The following RAD51B variants were observed in gnomAD, a reference collection of about 807,000 sequenced individuals.
RAD51B encodes DNA repair protein RAD51 homolog 2.
Under a neutral mutation model 42.2 loss-of-function variants are expected in RAD51B, and 38 were observed. That is an observed-to-expected ratio of 0.90 (90% confidence interval 0.70 to 1.18). The LOEUF is 1.18. Ranked by LOEUF, RAD51B falls within the 50% of genes most tolerant of loss-of-function variation. The pLI is 0.00. For synonymous variants in RAD51B, 154 were observed against 145.2 expected, an observed-to-expected ratio of 1.06 and a Z score of -0.43; for missense variants, 373 against 400.7, an observed-to-expected ratio of 0.93 and a Z score of 0.59.
At chr14:68,561,840 C>T (rs1203332820) in intron 10 of RAD51B, among the ~76,000 whole-genome samples, 2 of 152,146 alleles carry the variant, frequency 1.3e-5, no homozygotes, top group Non-Finnish European at 2.9e-5. Flanking sequence ...ACTGGTGGCC[C>T]GACTTGTCTG....
chr14:68,484,390 C>CTTTT (rs1883456218), intron 10 of RAD51B, among the ~76,000 whole-genome samples: 1 of 123,326 alleles, frequency 8.1e-6, no homozygotes, highest in Non-Finnish European at 1.6e-5. Flanking sequence ...CAGAGTTTTG[C>CTTTT]TCTGTCGCCC....
chr14:68,248,295 G>A (rs561926397), intron 7 of RAD51B, among the ~76,000 whole-genome samples: 6 of 152,212 alleles, frequency 3.9e-5, no homozygotes, highest in East Asian at 3.9e-4. Flanking sequence ...GAGGGAATAG[G>A]CCTTTTAAAT....
At chr14:68,343,120 A>G (rs900526167) in intron 8 of RAD51B, among the ~76,000 whole-genome samples, 1 of 106,970 alleles carries the variant, frequency 9.3e-6, no homozygotes, top group Non-Finnish European at 2.5e-5. Context: ...CCATCGCTCC[A>G]AATACTTACC....
intron 10 of RAD51B, among the ~76,000 whole-genome samples, chr14:68,621,082 T>C (rs929243278): frequency 3.3e-5 from 5 of 152,236 alleles, no homozygotes; most frequent in Admixed American, 2.6e-4. Context: ...TAACCCCTCA[T>C]TGGATTCTCT....
intron 9 of RAD51B, 133 bp from the exon 10 acceptor site, chr14:68,468,039 T>C: frequency 9.0e-6 from 3 of 334,358 alleles, no homozygotes; most frequent in South Asian, 9.3e-5. Flanking sequence ...TATAAAATGG[T>C]TTTTTTTTTT....
intron 7 of RAD51B, among the ~76,000 whole-genome samples, chr14:67,987,369 C>A (rs1356223827): frequency 1.3e-5 from 2 of 152,146 alleles, no homozygotes; most frequent in African/African-American, 4.8e-5. Context: ...TGGTAACCAC[C>A]ATTCTACTCT....
chr14:68,580,855 T>G (rs1481910480), intron 10 of RAD51B, among the ~76,000 whole-genome samples: 4 of 152,200 alleles, frequency 2.6e-5, no homozygotes, highest in African/African-American at 7.2e-5. Flanking sequence ...TAGCCTTGTA[T>G]GTGCACAGGC....
At chr14:68,217,061 C>A (rs2079830337) in intron 7 of RAD51B, among the ~76,000 whole-genome samples, 1 of 152,222 alleles carries the variant, frequency 6.6e-6, no homozygotes, top group South Asian at 2.1e-4. Flanking sequence ...GCAAGATCTC[C>A]TGTGTTCTCA....
At chr14:68,359,034 G>A (rs1594722098) in intron 8 of RAD51B, among the ~76,000 whole-genome samples, 1 of 152,064 alleles carries the variant, frequency 6.6e-6, no homozygotes, top group East Asian at 1.9e-4. Flanking sequence ...CCCCACAGAG[G>A]AGCAGCTGCC....
intron 7 of RAD51B, among the ~76,000 whole-genome samples, chr14:68,197,266 G>A (rs557089069): frequency 2.0e-5 from 3 of 152,204 alleles, no homozygotes; most frequent in East Asian, 1.9e-4. Context: ...TCCTGTGCTT[G>A]AAACTCACAT....
At chr14:68,540,173 T>C in intron 10 of RAD51B, 1 of 897,844 alleles carries the variant, frequency 1.1e-6, no homozygotes, top group South Asian at 5.3e-5. Flanking sequence ...CTCCTTTTTT[T>C]TTTTTTTTTT....
chr14:68,607,434 C>A (rs971450765), intron 10 of RAD51B, among the ~76,000 whole-genome samples: 1 of 152,198 alleles, frequency 6.6e-6, no homozygotes, highest in Non-Finnish European at 1.5e-5. Flanking sequence ...AGAGACCCTC[C>A]CCCACAGCCC....
chr14:68,336,563 C>A (rs2139820353), intron 8 of RAD51B, among the ~76,000 whole-genome samples: 1 of 152,296 alleles, frequency 6.6e-6, no homozygotes, highest in South Asian at 2.1e-4. Flanking sequence ...GCGCTCTGAT[C>A]AATTACAAGC....
At chr14:68,320,432 C>T (rs1022811200) in intron 8 of RAD51B, among the ~76,000 whole-genome samples, 3 of 152,354 alleles carry the variant, frequency 2.0e-5, no homozygotes, top group Non-Finnish European at 2.9e-5. Context: ...AGGAGACTCT[C>T]AAGCCTTAGA....
chr14:68,324,601 A>C (rs945021846), intron 8 of RAD51B, among the ~76,000 whole-genome samples: 2 of 152,206 alleles, frequency 1.3e-5, no homozygotes, highest in Admixed American at 1.3e-4. Context: ...TATGTAAATA[A>C]TATACTTAAG....
chr14:68,654,006 C>T (rs1892758053), intron 11 of RAD51B, among the ~76,000 whole-genome samples: 1 of 152,220 alleles, frequency 6.6e-6, no homozygotes, highest in African/African-American at 2.4e-5. Flanking sequence ...GCACTTGATC[C>T]TGAGGTTAGG....
At chr14:67,875,931 A>G (rs1309530486) in intron 5 of RAD51B, among the ~76,000 whole-genome samples, 1 of 152,324 alleles carries the variant, frequency 6.6e-6, no homozygotes, top group South Asian at 2.1e-4. Context: ...CCAGAAAGAA[A>G]CAATAGGGGA....
At chr14:68,592,663 A>C (rs1255952051) in intron 10 of RAD51B, among the ~76,000 whole-genome samples, 1 of 152,214 alleles carries the variant, frequency 6.6e-6, no homozygotes, top group Non-Finnish European at 1.5e-5. Context: ...GTAACTGCCA[A>C]CCCTCACTGT....
intron 7 of RAD51B, among the ~76,000 whole-genome samples, chr14:68,220,369 T>G (rs906148097): frequency 1.3e-5 from 2 of 152,180 alleles, no homozygotes; most frequent in African/African-American, 4.8e-5. Flanking sequence ...AAAAATCACA[T>G]GATCACCTCA....
Sources: gnomAD v4.1 joint callset for allele counts (sites outside exome capture counted in the v4.1 genomes callset) on GRCh38, gnomAD v4.1.1 for gene constraint, MANE v1.5 for transcripts, NCBI Gene and HGNC (gene_info 2026-07-23, HGNC 2026-07-21) for gene names.